The following ZMYM6 variants were observed in gnomAD, a reference collection of about 807,000 sequenced individuals.
The protein encoded by ZMYM6 is zinc finger MYM-type protein 6.
ZMYM6 carries 90 observed loss-of-function variants against 134.0 expected under a neutral mutation model. The observed-to-expected ratio is 0.67, with a 90% CI of 0.57 to 0.80. The LOEUF is 0.80. ZMYM6 is among the 30% of genes least tolerant of loss of function. The pLI is 0.00. For synonymous variants in ZMYM6, 481 were observed against 524.1 expected (o/e 0.92, Z 1.12); for missense variants, 1,362 against 1,533.9 (o/e 0.89, Z 1.87).
chr1:35,028,256 C>A (rs574387727), intron 2 of ZMYM6, among the ~76,000 whole-genome samples: 1 of 149,754 alleles, frequency 6.7e-6, no homozygotes, highest in East Asian at 2.0e-4. Flanking sequence ...GCGGAGGTTG[C>A]AGTGAGCCAA....
At chr1:35,016,147 C>T (rs947595939) in intron 4 of ZMYM6, among the ~76,000 whole-genome samples, 2 of 151,898 alleles carry the variant, frequency 1.3e-5, no homozygotes, top group African/African-American at 2.4e-5. Flanking sequence ...GACGGGGTTT[C>T]GCCATATTGG....
At position 35,001,289 on chromosome 1, in the gene ZMYM6, A is replaced by G. The variant is rs554659614; in HGVS notation, c.1992+2679T>C. Reference sequence around the variant, plus strand: ...TCAGGTGTTTTTTTTTTTTTTTTTCACATTGTAAGAGCACTACATTATTTA... The same window carrying G: ...TCAGGTGTTTTTTTTTTTTTTTTTCGCATTGTAAGAGCACTACATTATTTA... On this transcript the variant is annotated intron_variant, in intron 14 of 15. Coordinates refer to ENST00000357182, the MANE Select transcript of ZMYM6 (RefSeq NM_007167.4). Among the ~76,000 whole-genome samples the G allele has an allele frequency of 3.1e-3, 446 of 144,638 alleles. 1 individual carries two copies. Among genetic ancestry groups the G allele is most frequent in the African/African-American group, 0.011 (409 of 38,094 alleles). 94.9% of individuals were successfully genotyped at this position (144,638 alleles called of 152,430 possible).
At chr1:35,006,572 A>G (rs1569766090) in intron 12 of ZMYM6, among the ~76,000 whole-genome samples, 1 of 152,202 alleles carries the variant, frequency 6.6e-6, no homozygotes, top group Non-Finnish European at 1.5e-5. Flanking sequence ...CACAGCAACT[A>G]TATTAACTAT....
At chr1:35,028,969 T>A (rs111941814) in intron 2 of ZMYM6, among the ~76,000 whole-genome samples, 4,660 of 151,946 alleles carry the variant, frequency 0.031, 241 homozygotes, top group African/African-American at 0.11. Flanking sequence ...GGTGGGTGGA[T>A]CACCTGAGGT....
At chr1:35,017,231 T>C (rs1641218338) in intron 4 of ZMYM6, 1 of 152,208 alleles carries the variant, frequency 6.6e-6, no homozygotes, top group African/African-American at 2.4e-5. Context: ...GTATATTCAA[T>C]GGTAAACCAT....
At chr1:34,995,633 G>A (rs1030405405) in intron 14 of ZMYM6, among the ~76,000 whole-genome samples, 1 of 152,148 alleles carries the variant, frequency 6.6e-6, no homozygotes, top group Non-Finnish European at 1.5e-5. Flanking sequence ...TACACACAGT[G>A]TGGATATGCT....
chr1:35,015,259 A>G (rs1641161225), intron 4 of ZMYM6, 97 bp from the exon 5 acceptor site: 2 of 1,182,728 alleles, frequency 1.7e-6, no homozygotes, highest in Non-Finnish European at 2.3e-6. Flanking sequence ...AAGGGCAGGT[A>G]CTGTATGGTA....
At chr1:35,014,927 A>C (rs1158764227) in intron 5 of ZMYM6, 39 bp from the exon 6 acceptor site, 2 of 1,608,102 alleles carry the variant, frequency 1.2e-6, no homozygotes, top group African/African-American at 2.7e-5. Flanking sequence ...CAAAATAAGC[A>C]GAGCCAGTTA....
chr1:35,025,605 C>T (rs1362753104), intron 2 of ZMYM6, among the ~76,000 whole-genome samples: 7 of 152,036 alleles, frequency 4.6e-5, no homozygotes, highest in Admixed American at 4.6e-4. Flanking sequence ...GGCACAGTCA[C>T]TCAACAAATA....
intron 14 of ZMYM6, among the ~76,000 whole-genome samples, chr1:35,000,992 C>T (rs1640870614): frequency 6.6e-6 from 1 of 152,194 alleles, no homozygotes; most frequent in Admixed American, 6.5e-5. Context: ...TACTGGAACA[C>T]AGCCACACTC....
chr1:35,004,223 C>T (rs2148449368), intron 13 of ZMYM6, among the ~76,000 whole-genome samples: 1 of 152,168 alleles, frequency 6.6e-6, no homozygotes, highest in Non-Finnish European at 1.5e-5. Flanking sequence ...GAATCTCTGG[C>T]AGTAAAGGAG....
chr1:35,030,894 G>C (rs534722262), intron 1 of ZMYM6, 181 bp from the exon 2 acceptor site: 12 of 474,616 alleles, frequency 2.5e-5, no homozygotes, highest in African/African-American at 1.6e-4. Context: ...TAAGAAAACA[G>C]TTTTGGGGCA....
At chr1:34,991,893 G>C (rs1195676250) in intron 15 of ZMYM6, among the ~76,000 whole-genome samples, 1 of 151,792 alleles carries the variant, frequency 6.6e-6, no homozygotes, top group Non-Finnish European at 1.5e-5. Context: ...TTCAAGTAAA[G>C]CTCAAACAAT....
At chr1:35,031,348 G>T (rs1218370953) in intron 1 of ZMYM6, 3 of 152,228 alleles carry the variant, frequency 2.0e-5, no homozygotes. Context: ...CTGTAGAAAA[G>T]AAACTCAATT....
chr1:35,015,245 T>G, intron 4 of ZMYM6, 83 bp from the exon 5 acceptor site: 1 of 1,306,926 alleles, frequency 7.7e-7, no homozygotes, highest in South Asian at 1.5e-5. Flanking sequence ...AAATAACACT[T>G]ACTAAGGGCA....
chr1:34,987,091 A>G lies in ZMYM6; in HGVS notation c.*13T>C. On this transcript the variant is annotated 3_prime_UTR_variant, in exon 16 of 16. Transcript: ENST00000357182. ...AGGATTATTGACTTCACTGTTAAGC[A>G]ATGTGCATATTGCTACTCTTTCTCC... 6.6e-7 allele frequency: 1 copy of G among 1,507,592 alleles called. No homozygotes were observed. 93.4% of individuals were successfully genotyped at this position (1,507,592 alleles called of 1,614,324 possible).
chr1:35,020,285 G>T, intron 3 of ZMYM6, 98 bp downstream of exon 3: 2 of 1,113,220 alleles, frequency 1.8e-6, no homozygotes, highest in Non-Finnish European at 2.5e-6. Context: ...CAGCTCTAAA[G>T]AAAGAGAAAG....
chr1:35,000,348 TC>T (rs1471361866), intron 14 of ZMYM6, among the ~76,000 whole-genome samples: 2 of 152,002 alleles, frequency 1.3e-5, no homozygotes, highest in Non-Finnish European at 2.9e-5. Context: ...CAGGTGATTC[TC>T]CCATCTCAGC....
rs913725233 is a variant in ZMYM6 at position 34,987,812 on chromosome 1, T to C, written c.3270A>G (p.Glu1090=). 4.9e-5 allele frequency: 76 copies of C among 1,550,990 alleles called. No homozygotes were observed. The highest frequency in any genetic ancestry group is 6.5e-5 in the Non-Finnish European group (75 of 1,146,834). The change falls in exon 16 of 16, where the codon GAA becomes GAG. Residue 1090 remains glutamate, a synonymous_variant. Coordinates refer to ENST00000357182, the MANE Select transcript of ZMYM6 (RefSeq NM_007167.4). ...KRLFELRHEI[E]IFLSQKHSDL... is the part of the protein sequence containing the mutation. ...CTGAATGCTTTTGACTTAAAAATAT[T>C]TCAATCTCATGTCGTAATTCAAATA...
Sources: allele counts gnomAD v4.1 joint callset (sites outside exome capture counted in the v4.1 genomes callset), GRCh38; gene constraint gnomAD v4.1.1; transcripts MANE v1.5; gene names NCBI Gene and HGNC (gene_info 2026-07-23, HGNC 2026-07-21).